Variants in ZC3H7B observed in about 807,000 individuals in gnomAD.
ZC3H7B encodes zinc finger CCCH-type containing 7B, also known as zinc finger CCCH domain-containing protein 7B.
ZC3H7B carries 35 observed loss-of-function variants against 116.0 expected under a neutral mutation model. The ratio of observed to expected loss-of-function variants is 0.30; its 90% CI spans 0.23 to 0.40. The LOEUF (loss-of-function observed/expected upper bound fraction) is 0.40. ZC3H7B is among the 10% of genes least tolerant of loss of function. The pLI, the probability that ZC3H7B is intolerant of heterozygous loss-of-function variation, is 1.00. For synonymous variants in ZC3H7B, 502 were observed against 545.6 expected, an observed-to-expected ratio of 0.92 and a Z score of 1.11; for missense variants, 1,011 against 1,321.5, an observed-to-expected ratio of 0.77 and a Z score of 3.64.
chr22:41,342,433 G>T (rs567101303), intron 11 of ZC3H7B, 96 bp from the exon 12 acceptor site: 43 of 1,128,574 alleles, frequency 3.8e-5, no homozygotes, highest in South Asian at 2.1e-4. Context: ...AGGATAGGGG[G>T]GTCATAGAGC....
chr22:41,343,893 C>T (rs1276764515), intron 13 of ZC3H7B, among the ~76,000 whole-genome samples: 2 of 152,068 alleles, frequency 1.3e-5, no homozygotes, highest in Non-Finnish European at 2.9e-5. Context: ...GCTTCTCTTA[C>T]CACTGTAGGG....
chr22:41,346,096 G>T lies in ZC3H7B; in HGVS notation c.1553G>T (p.Gly518Val). ...GACGTGTGGACCGAGGAGCGGAAGG[G>T]CACCCTCAACCGCGACCTGCTCTTC... ...EIDVWTEERK[G>V]TLNRDLLFDP... The change falls in exon 14 of 23, where the codon GGC becomes GTC. Residue 518 changes from glycine (G) to valine (V), a missense_variant. Gly to Val is a moderately radical substitution (Grantham distance 109). Around this residue, in one of 5 missense-constraint regions of ZC3H7B, gnomAD observed 179 missense variants for 178.5 expected, o/e 1.00. Transcript: ENST00000352645. This position sits in a 1 kb window ranked among gnomAD's most constrained non-coding sequence, Gnocchi z 5.3. 6.2e-7 allele frequency: 1 copy of T among 1,613,826 alleles called. No individual in the cohort carries two copies. The highest frequency in any genetic ancestry group is 8.5e-7 in the Non-Finnish European group (1 of 1,180,010).
chr22:41,332,616 T>C (rs2143695), intron 7 of ZC3H7B: 71,356 of 192,520 alleles, frequency 0.37, 15,998 homozygotes, highest in African/African-American at 0.61. Context: ...TTCTCTGTCT[T>C]TTCGCTTTTC....
At chr22:41,354,316 C>T (rs1159331408) in intron 17 of ZC3H7B, among the ~76,000 whole-genome samples, 2 of 152,240 alleles carry the variant, frequency 1.3e-5, no homozygotes, top group African/African-American at 4.8e-5. Flanking sequence ...TGCTCCAGTG[C>T]AGGCCGTCCC....
In ZC3H7B at chr22:41,338,973, C is replaced by T. The variant is rs368070936; in HGVS notation, c.626-28C>T. 1 of 1,519,354 alleles carries T rather than the reference C, an allele frequency of 6.6e-7. No individual in the cohort carries two copies. Among genetic ancestry groups the T allele is most frequent in the Middle Eastern group, 1.8e-4 (1 of 5,440 alleles). The allele number at this position is 1,519,354 out of a possible 1,614,324, so 94.1% of individuals were successfully genotyped here. A position where few individuals can be genotyped will look rare whatever the true frequency, so the allele number is the denominator to read the frequency against. ...TCCACCCTCACCAAGCAGTGCTCCC[C>T]TTCGGCTCTTGCCCACCCCATCCGC... On this transcript the variant is annotated intron_variant, in intron 8 of 22. Transcript: ENST00000352645. The surrounding 1 kb of genome is among the most constrained non-coding windows in gnomAD (Gnocchi z 4.5).
At chr22:41,307,498 C>T (rs539768707) in intron 1 of ZC3H7B, among the ~76,000 whole-genome samples, 17 of 152,192 alleles carry the variant, frequency 1.1e-4, no homozygotes, top group Non-Finnish European at 2.4e-4. Context: ...GCATTCAGAG[C>T]GCTTGTTCCC....
intron 2 of ZC3H7B, among the ~76,000 whole-genome samples, chr22:41,324,049 G>A (rs971947034): frequency 5.9e-5 from 9 of 151,832 alleles, no homozygotes; most frequent in Admixed American, 2.6e-4. Context: ...CAGCCTGGGC[G>A]ACACAGCGAG....
intron 1 of ZC3H7B, among the ~76,000 whole-genome samples, chr22:41,312,056 C>G (rs1044706755): frequency 6.6e-6 from 1 of 151,366 alleles, no homozygotes; most frequent in African/African-American, 2.4e-5. Context: ...CCTCGGGAGG[C>G]TGAGGCAGGA....
intron 2 of ZC3H7B, among the ~76,000 whole-genome samples, chr22:41,324,338 G>A (rs566217843): frequency 1.3e-5 from 2 of 152,284 alleles, no homozygotes; most frequent in South Asian, 2.1e-4. Context: ...CCCTCCTGGC[G>A]TTGCGCCTCT....
At position 41,325,897 on chromosome 22, in the gene ZC3H7B, G is replaced by A. The variant is rs538647370; in HGVS notation, c.264G>A (p.Arg88=). Residue 88 remains arginine (R), a synonymous_variant, in exon 4 of 23, where the codon AGG becomes AGA. Transcript: ENST00000352645. ...RELLCKLHVN[R]AACYFTMGLY... is the part of the protein sequence containing the mutation. ...TGCTGTGCAAGCTGCATGTCAATAG[G>A]GCCGCCTGCTACTTCACCATGGTGA... The A allele has an allele frequency of 3.2e-4, 513 of 1,608,568 alleles. 3 individuals are homozygous for A. The South Asian group carries it at 4.9e-3, about 16-fold the overall frequency.
chr22:41,338,896 G>A lies in ZC3H7B; in HGVS notation c.626-105G>A, dbSNP rs2036479297. The A allele has an allele frequency of 7.9e-7, 1 of 1,273,128 alleles. No homozygotes were observed. Among genetic ancestry groups the A allele is most frequent in the Non-Finnish European group, 1.1e-6 (1 of 942,558 alleles). The allele number at this position is 1,273,128 out of a possible 1,614,324, so 78.9% of individuals were successfully genotyped here. On this transcript the variant is annotated intron_variant, in intron 8 of 22. Coordinates refer to ENST00000352645, the MANE Select transcript of ZC3H7B (RefSeq NM_017590.6). The surrounding 1 kb of genome is among the most constrained non-coding windows in gnomAD (Gnocchi z 4.5). ...GAAGGCAGGGCTCCTGGCAAGAGCTGAAAGAAGAAGGGAAAGTGTTGGATG... is the reference window on the plus strand; with the variant it reads ...GAAGGCAGGGCTCCTGGCAAGAGCTAAAAGAAGAAGGGAAAGTGTTGGATG...
In ZC3H7B at chr22:41,325,832, G is replaced by A. The variant is rs752278488; in HGVS notation, c.199G>A (p.Asp67Asn). 8.1e-6 allele frequency: 13 copies of A among 1,613,152 alleles called. No homozygotes were observed. Among genetic ancestry groups the A allele is most frequent in the East Asian group, 6.7e-5 (3 of 44,876 alleles). The change falls in exon 4 of 23, where the codon GAC becomes AAC. Residue 67 changes from aspartate to asparagine, a missense_variant. Around this residue, in one of 5 missense-constraint regions of ZC3H7B, gnomAD observed 322 missense variants for 443.9 expected, o/e 0.73. Coordinates refer to ENST00000352645, the MANE Select transcript of ZC3H7B (RefSeq NM_017590.6). ...VQYMEGLNVADYAASDQVALP... is the reference protein window; with the variant it reads ...VQYMEGLNVANYAASDQVALP... ...GTACATGGAAGGGCTGAACGTGGCCGACTACGCTGCCTCTGACCAGGTGGC... is the reference window on the plus strand; with the variant it reads ...GTACATGGAAGGGCTGAACGTGGCCAACTACGCTGCCTCTGACCAGGTGGC...
At chr22:41,305,162 T>C (rs373563153) in intron 1 of ZC3H7B, among the ~76,000 whole-genome samples, 2 of 152,100 alleles carry the variant, frequency 1.3e-5, no homozygotes, top group East Asian at 1.9e-4. Context: ...CTGGCCAACA[T>C]GGTGAAACCC....
At chr22:41,345,776 C>T (rs765809659) in intron 13 of ZC3H7B, among the ~76,000 whole-genome samples, 1 of 152,080 alleles carries the variant, frequency 6.6e-6, no homozygotes, top group Non-Finnish European at 1.5e-5. Flanking sequence ...CCTGCCTCAC[C>T]TGCGTTGGGG....
chr22:41,316,820 G>C (rs11090043), intron 1 of ZC3H7B, among the ~76,000 whole-genome samples: 2 of 151,770 alleles, frequency 1.3e-5, no homozygotes, highest in South Asian at 2.1e-4. Context: ...GATTACAGGC[G>C]TGTGCCACCA....
intron 1 of ZC3H7B, among the ~76,000 whole-genome samples, chr22:41,315,356 T>TTTTG: frequency 6.7e-6 from 1 of 149,396 alleles, no homozygotes; most frequent in Non-Finnish European, 1.5e-5. Flanking sequence ...TCTAGTGTTT[T>TTTTG]TTTTTTTTTT....
intron 1 of ZC3H7B, among the ~76,000 whole-genome samples, chr22:41,306,243 G>A (rs1224357039): frequency 3.9e-5 from 6 of 152,158 alleles, no homozygotes; most frequent in South Asian, 2.1e-4. Flanking sequence ...CATGCTTGGG[G>A]ATCAGGATAA....
chr22:41,354,872 G>A (rs148877370), intron 17 of ZC3H7B, among the ~76,000 whole-genome samples: 7 of 152,274 alleles, frequency 4.6e-5, no homozygotes, highest in Non-Finnish European at 8.8e-5. Context: ...GGGCCACTCA[G>A]ACGCCTGTCC....
intron 13 of ZC3H7B, 111 bp from the exon 14 acceptor site, chr22:41,345,892 G>A: frequency 8.9e-7 from 1 of 1,122,710 alleles, no homozygotes; most frequent in Non-Finnish European, 1.3e-6. Context: ...GTGGAGCGAA[G>A]CCCTGCCTGG....
Sources: allele counts gnomAD v4.1 joint callset (sites outside exome capture counted in the v4.1 genomes callset), GRCh38; gene constraint gnomAD v4.1.1; regional missense constraint gnomAD v4.1.1; non-coding constraint Gnocchi (gnomAD v3.1); transcripts MANE v1.5; gene names NCBI Gene and HGNC (gene_info 2026-07-23, HGNC 2026-07-21).